Variants in DLGAP2 observed in about 807,000 individuals in gnomAD.
DLGAP2 encodes the protein disks large-associated protein 2.
In DLGAP2, 26 loss-of-function variants were observed where a neutral mutation model predicts 100.3. The ratio of observed to expected loss-of-function variants is 0.26; its 90% CI spans 0.19 to 0.36. DLGAP2 has a LOEUF of 0.36. Ranked by LOEUF, DLGAP2 falls within the 10% of genes least tolerant of loss-of-function variation. The probability of loss-of-function intolerance (pLI) is 1.00; values close to 1 mark genes in which losing one functional copy is unlikely to be tolerated. For missense variants in DLGAP2, 1,858 were observed against 1,453.2 expected (o/e 1.28, Z -4.53); for synonymous variants, 886 against 630.1 (o/e 1.41, Z -6.08).
chr8:1,042,554 C>T (rs995005303), intron 2 of DLGAP2, among the ~76,000 whole-genome samples: 3 of 152,124 alleles, frequency 2.0e-5, no homozygotes, highest in African/African-American at 7.2e-5. Flanking sequence ...AGGAAAGCAC[C>T]GCCGGTATTG....
chr8:1,165,663 A>G (rs1475962017), intron 2 of DLGAP2, among the ~76,000 whole-genome samples: 1 of 151,966 alleles, frequency 6.6e-6, no homozygotes. Context: ...TTTAATTTTT[A>G]ATTTTATTTG....
Position 1,113,352 on chromosome 8 carries a change from A to G in DLGAP2, c.74-145499A>G, listed in dbSNP as rs1805019510. On this transcript the variant is annotated intron_variant, in intron 2 of 14. Transcript: ENST00000637795. ...ATCCATGAGCCTGGAATATTTTTCC[A>G]TTTGTGCATTCTCAGATTTCTTTGA... Among the ~76,000 whole-genome samples, 4 of 152,150 alleles carry G rather than the reference A, an allele frequency of 2.6e-5. No individual in the cohort carries two copies. The South Asian group carries it at 6.2e-4, about 24-fold the overall frequency.
chr8:1,227,893 G>T (rs904600053), intron 2 of DLGAP2, among the ~76,000 whole-genome samples: 1 of 152,136 alleles, frequency 6.6e-6, no homozygotes, highest in Non-Finnish European at 1.5e-5. Flanking sequence ...AAATTAGTAC[G>T]TCTTAGCTGC....
At chr8:1,418,870 T>A (rs1234666790) in intron 3 of DLGAP2, among the ~76,000 whole-genome samples, 1 of 152,230 alleles carries the variant, frequency 6.6e-6, no homozygotes, top group East Asian at 1.9e-4. Context: ...GCCCGCTGGC[T>A]AGAGATCATG....
chr8:1,206,655 G>T (rs1369967144), intron 2 of DLGAP2, among the ~76,000 whole-genome samples: 1 of 151,934 alleles, frequency 6.6e-6, no homozygotes, highest in Non-Finnish European at 1.5e-5. Context: ...GCCATCCGTG[G>T]ACTGGGGTAG....
intron 2 of DLGAP2, among the ~76,000 whole-genome samples, chr8:1,169,018 T>C (rs1177598350): frequency 6.7e-6 from 1 of 149,520 alleles, no homozygotes; most frequent in African/African-American, 2.5e-5. Flanking sequence ...GTTTTAGGTC[T>C]AACGTTTAAG....
chr8:1,259,226 A>G (rs1027837303), intron 3 of DLGAP2, among the ~76,000 whole-genome samples: 4 of 152,324 alleles, frequency 2.6e-5, no homozygotes, highest in South Asian at 2.1e-4. Context: ...CAAGGTGCCA[A>G]TGAGCCGCAG....
intron 3 of DLGAP2, among the ~76,000 whole-genome samples, chr8:1,392,039 C>G (rs575081740): frequency 6.6e-6 from 1 of 152,160 alleles, no homozygotes; most frequent in Admixed American, 6.5e-5. Context: ...CTTATCTATC[C>G]CCTTGTTGCG....
intron 1 of DLGAP2, among the ~76,000 whole-genome samples, chr8:885,545 A>G (rs1452836776): frequency 1.3e-5 from 2 of 152,208 alleles, no homozygotes; most frequent in African/African-American, 2.4e-5. Flanking sequence ...AGTTTTATAA[A>G]TATAAAATCA....
intron 3 of DLGAP2, among the ~76,000 whole-genome samples, chr8:1,451,839 C>T (rs1584918207): frequency 6.6e-6 from 1 of 152,336 alleles, no homozygotes; most frequent in African/African-American, 2.4e-5. Flanking sequence ...ACATTCGCTG[C>T]GATCATCACT....
intron 1 of DLGAP2, among the ~76,000 whole-genome samples, chr8:858,479 C>G (rs950554123): frequency 1.3e-5 from 2 of 152,122 alleles, no homozygotes; most frequent in Non-Finnish European, 2.9e-5. Context: ...GGAAGCGCCT[C>G]TGTGTGATGC....
chr8:1,114,016 T>C (rs1406440882), intron 2 of DLGAP2, among the ~76,000 whole-genome samples: 1 of 152,352 alleles, frequency 6.6e-6, no homozygotes, highest in East Asian at 1.9e-4. Context: ...TTTGTGTATG[T>C]TGAACCAACC....
chr8:1,431,818 C>T (rs997606042), intron 3 of DLGAP2, among the ~76,000 whole-genome samples: 2 of 152,228 alleles, frequency 1.3e-5, no homozygotes, highest in African/African-American at 4.8e-5. Context: ...AGGGACTCTT[C>T]TGATGCCTCC....
intron 2 of DLGAP2, among the ~76,000 whole-genome samples, chr8:994,090 G>A (rs928147665): frequency 1.6e-4 from 25 of 152,270 alleles, no homozygotes; most frequent in African/African-American, 5.8e-4. Context: ...TGAGACTGGT[G>A]TTTTCGTATT....
At chr8:1,275,778 T>A (rs1222746801) in intron 3 of DLGAP2, among the ~76,000 whole-genome samples, 3 of 126,180 alleles carry the variant, frequency 2.4e-5, no homozygotes, top group Non-Finnish European at 4.7e-5. Context: ...ATATTATATA[T>A]AAAAATATAT....
At chr8:1,148,316 T>G (rs1266375715) in intron 2 of DLGAP2, among the ~76,000 whole-genome samples, 1 of 152,186 alleles carries the variant, frequency 6.6e-6, no homozygotes, top group Non-Finnish European at 1.5e-5. Context: ...TCCTTTTCAA[T>G]TCTGATGTTA....
intron 2 of DLGAP2, among the ~76,000 whole-genome samples, chr8:1,067,605 G>A (rs967984355): frequency 1.5e-4 from 1 of 6,466 alleles, no homozygotes; most frequent in Non-Finnish European, 2.6e-4. Flanking sequence ...GTTGAGTGAC[G>A]TGTGTGTGTG....
intron 3 of DLGAP2, among the ~76,000 whole-genome samples, chr8:1,445,748 C>G (rs1584912238): frequency 6.6e-6 from 1 of 152,088 alleles, no homozygotes; most frequent in East Asian, 1.9e-4. Flanking sequence ...CTCTCCAGCA[C>G]CTGTTGTTTC....
intron 1 of DLGAP2, among the ~76,000 whole-genome samples, chr8:789,998 T>C (rs13254154): frequency 0.99 from 151,522 of 152,340 alleles, 75,357 homozygotes; most frequent in Middle Eastern, 1. Flanking sequence ...CCTCCCAGGA[T>C]GGCAGTGGTA....
Sources: allele counts gnomAD v4.1 joint callset (sites outside exome capture counted in the v4.1 genomes callset), GRCh38; gene constraint gnomAD v4.1.1; transcripts MANE v1.5; gene names NCBI Gene and HGNC (gene_info 2026-07-23, HGNC 2026-07-21).